XPNPEP3: variants seen among roughly 807,000 people sequenced by gnomAD.
XPNPEP3 encodes the protein xaa-Pro aminopeptidase 3.
A neutral mutation model predicts 60.0 loss-of-function variants in XPNPEP3; 41 were observed. That is an observed-to-expected ratio of 0.68 (90% CI 0.53 to 0.89). The LOEUF is 0.89. XPNPEP3 is among the 40% of genes least tolerant of loss of function. XPNPEP3 has a pLI of 0.00. For synonymous variants in XPNPEP3, 212 were observed against 223.2 expected (o/e 0.95, Z 0.45); for missense variants, 598 against 638.9 (o/e 0.94, Z 0.69).
chr22:40,858,501 C>G (rs1170529467), intron 1 of XPNPEP3, among the ~76,000 whole-genome samples: 1 of 143,066 alleles, frequency 7.0e-6, no homozygotes, highest in African/African-American at 2.6e-5. Flanking sequence ...GCGTTGCAAT[C>G]GTTTAGTATG....
rs71200626 is a variant in XPNPEP3 at position 40,898,225 on chromosome 22, A to ATTTTTTTTTTT, written c.793-9333_793-9323dup. Reference sequence around the variant, plus strand: ...TGTTTTATGTTTAGGTCTTTGACCCATTTTTTTTTTTTTTTTTTTTTTTTT... The same window carrying ATTTTTTTTTTT: ...TGTTTTATGTTTAGGTCTTTGACCCATTTTTTTTTTTTTTTTTTTTTTTTTTTTTTTTTTTT... On this transcript the variant is annotated intron_variant, in intron 4 of 9. Coordinates refer to ENST00000357137, the MANE Select transcript of XPNPEP3 (RefSeq NM_022098.4). Among the ~76,000 whole-genome samples, 18 of 28,784 alleles carry ATTTTTTTTTTT rather than the reference A, an allele frequency of 6.3e-4. 7 individuals are homozygous for ATTTTTTTTTTT. Among genetic ancestry groups the ATTTTTTTTTTT allele is most frequent in the East Asian group, 3.3e-3 (3 of 918 alleles). The allele number at this position is 28,784 out of a possible 152,430, so 18.9% of individuals were successfully genotyped here. A position where few individuals can be genotyped will look rare whatever the true frequency, so the allele number is the denominator to read the frequency against.
chr22:40,861,797 A>G, intron 1 of XPNPEP3: 1 of 1,613,400 alleles, frequency 6.2e-7, no homozygotes, highest in Non-Finnish European at 8.5e-7. Flanking sequence ...TGCCATATTT[A>G]TCATAAATGT....
At position 40,922,378 on chromosome 22, in the gene XPNPEP3, C is replaced by G; in HGVS notation, c.1101C>G (p.Ile367Met). The G allele has an allele frequency of 6.2e-7, 1 of 1,613,836 alleles. No individual in the cohort carries two copies. The highest frequency in any genetic ancestry group is 8.5e-7 in the Non-Finnish European group (1 of 1,179,844). The change falls in exon 8 of 10, where the codon ATC becomes ATG. Residue 367 changes from isoleucine (I) to methionine (M), a missense_variant. Physicochemically the swap from Ile to Met is conservative, Grantham distance 10 (BLOSUM62 1). Transcript: ENST00000357137. Reference protein sequence around the residue: ...QAELYEAVLEIQRDCLALCFP... With the variant: ...QAELYEAVLEMQRDCLALCFP... ...AACTCTATGAAGCCGTTCTAGAGAT[C>G]CAAAGAGATTGTTTGGCCCTCTGCT...
intron 4 of XPNPEP3, among the ~76,000 whole-genome samples, chr22:40,906,300 A>C (rs1234193367): frequency 6.6e-6 from 1 of 151,966 alleles, no homozygotes; most frequent in Non-Finnish European, 1.5e-5. Context: ...ATGCATCTGT[A>C]GTCCCAGCTA....
intron 4 of XPNPEP3, among the ~76,000 whole-genome samples, chr22:40,890,635 G>A (rs1438642390): frequency 2.0e-5 from 3 of 152,286 alleles, no homozygotes; most frequent in South Asian, 2.1e-4. Context: ...GGGAGGCCAA[G>A]GTGGGCAGAT....
chr22:40,884,537 T>C (rs965791724), intron 3 of XPNPEP3, among the ~76,000 whole-genome samples: 33 of 151,328 alleles, frequency 2.2e-4, no homozygotes, highest in African/African-American at 7.5e-4. Context: ...TTTTACCATG[T>C]TAGTCAGGCT....
rs1329434516 is a variant in XPNPEP3, at chr22:40,861,805, TGTCCC to T, written c.64+4563_64+4567del. ...CCTTCTGTGCCATATTTATCATAAA[TGTCCC>T]GTTTCTCATCATTTGATAATACCTC... On this transcript the variant is annotated intron_variant, in intron 1 of 9. Transcript: ENST00000357137. 4.3e-6 allele frequency: 7 copies of T among 1,613,124 alleles called. No homozygotes were observed. In the South Asian group the frequency reaches 5.5e-5, roughly 13 times the overall value.
intron 2 of XPNPEP3, among the ~76,000 whole-genome samples, chr22:40,878,634 C>T (rs1408361350): frequency 2.6e-5 from 4 of 151,382 alleles, no homozygotes; most frequent in Non-Finnish European, 5.9e-5. Context: ...TCGCTCAGGC[C>T]GGAATGTAGT....
intron 4 of XPNPEP3, among the ~76,000 whole-genome samples, chr22:40,892,288 G>A (rs1294589493): frequency 6.6e-6 from 1 of 152,094 alleles, no homozygotes; most frequent in African/African-American, 2.4e-5. Context: ...AGGTTCAAGG[G>A]ATTCTTCTGC....
chr22:40,867,577 CAT>C (rs1412378389), intron 1 of XPNPEP3, among the ~76,000 whole-genome samples: 5 of 151,842 alleles, frequency 3.3e-5, no homozygotes, highest in African/African-American at 1.2e-4. Flanking sequence ...ACCTGGGCAA[CAT>C]AGTGAGACCT....
intron 1 of XPNPEP3, chr22:40,861,517 G>A: frequency 1.2e-6 from 2 of 1,614,012 alleles, no homozygotes; most frequent in South Asian, 1.1e-5. Context: ...AATGAACCCT[G>A]TGATGTATAT....
intron 8 of XPNPEP3, among the ~76,000 whole-genome samples, chr22:40,923,957 A>G (rs2058225629): frequency 6.6e-6 from 1 of 152,136 alleles, no homozygotes; most frequent in Admixed American, 6.6e-5. Context: ...CCTGAGAGGG[A>G]TGTGTGAACG....
chr22:40,888,152 A>T (rs748400706), intron 4 of XPNPEP3, among the ~76,000 whole-genome samples: 6 of 152,148 alleles, frequency 3.9e-5, no homozygotes, highest in Non-Finnish European at 8.8e-5. Context: ...TACCTATTCT[A>T]GCTACTTCAT....
At chr22:40,923,351 A>ATCC (rs920173391) in intron 8 of XPNPEP3, among the ~76,000 whole-genome samples, 5 of 152,034 alleles carry the variant, frequency 3.3e-5, no homozygotes, top group African/African-American at 1.2e-4. Context: ...TCATTAGTGA[A>ATCC]TTTTTTTTCT....
In XPNPEP3 at chr22:40,931,034, A is replaced by G. The variant is rs1378187884; in HGVS notation, c.*4599A>G. 1 of 151,862 alleles carries G rather than the reference A, an allele frequency of 6.6e-6. No individual in the cohort carries two copies. Among genetic ancestry groups the G allele is most frequent in the Non-Finnish European group, 1.5e-5 (1 of 68,020 alleles). The allele number at this position is 151,862 out of a possible 1,614,324, so 9.4% of individuals were successfully genotyped here. On this transcript the variant is annotated 3_prime_UTR_variant, in exon 10 of 10. Transcript: ENST00000357137. ...CAGCTAATTTTTGTATTTTTAGTAG[A>G]GACAGGGTTTCACCATGTTGGCCAG... is the stretch of plus-strand genomic sequence containing the variant.
At position 40,882,073 on chromosome 22, in the gene XPNPEP3, T is replaced by C. The variant is rs1213319817; in HGVS notation, c.485T>C (p.Leu162Pro). Reference protein sequence around the residue: ...FVPRRDPSRELWDGPRSGTDG... With the variant: ...FVPRRDPSREPWDGPRSGTDG... The stretch of plus-strand genomic sequence containing the variant: ...CCTCGGCGAGATCCCAGTCGAGAAC[T>C]TTGGGATGGTCCGCGATCTGGCACT... The change falls in exon 3 of 10, where the codon CTT becomes CCT. Residue 162 changes from leucine (L) to proline (P), a missense_variant. By Grantham distance (98) the Leu-to-Pro change is moderately conservative (BLOSUM62 -3). Coordinates refer to ENST00000357137, the MANE Select transcript of XPNPEP3 (RefSeq NM_022098.4). 6.2e-7 allele frequency: 1 copy of C among 1,614,096 alleles called. No individual in the cohort carries two copies. Among genetic ancestry groups the C allele is most frequent in the Admixed American group, 1.7e-5 (1 of 60,010 alleles).
intron 2 of XPNPEP3, among the ~76,000 whole-genome samples, chr22:40,878,787 C>T (rs935922554): frequency 2.0e-5 from 3 of 152,046 alleles, no homozygotes; most frequent in South Asian, 2.1e-4. Flanking sequence ...AGGGTTTCAT[C>T]GTGTTAGCCA....
intron 2 of XPNPEP3, chr22:40,869,951 T>G: frequency 2.3e-6 from 1 of 442,898 alleles, no homozygotes; most frequent in Non-Finnish European, 4.7e-6. Flanking sequence ...AATGGAAATT[T>G]ACCTTTAGAA....
At chr22:40,894,339 C>A (rs565889822) in intron 4 of XPNPEP3, among the ~76,000 whole-genome samples, 2 of 152,182 alleles carry the variant, frequency 1.3e-5, no homozygotes, top group African/African-American at 4.8e-5. Context: ...TTATTGACTT[C>A]TTTCCCCTTA....
Sources: gnomAD v4.1 joint callset for allele counts (sites outside exome capture counted in the v4.1 genomes callset) on GRCh38, gnomAD v4.1.1 for gene constraint, MANE v1.5 for transcripts, NCBI Gene and HGNC (gene_info 2026-07-23, HGNC 2026-07-21) for gene names.